Variants in CUL7 observed in about 807,000 individuals in gnomAD.
The protein encoded by CUL7 is cullin-7.
Under a neutral mutation model 177.7 loss-of-function variants are expected in CUL7, and 96 were observed. The observed-to-expected ratio is 0.54, with a 90% confidence interval of 0.46 to 0.64. The LOEUF is 0.64. Among genes scored for constraint, CUL7 ranks in the 30% least tolerant of loss-of-function variants. The pLI is 0.00. For missense variants in CUL7, 1,893 were observed against 2,187.9 expected (o/e 0.87, Z 2.69); for synonymous variants, 824 against 890.2 (o/e 0.93, Z 1.32).
chr6:43,045,886 G>T lies in CUL7; in HGVS notation c.2766+100C>A. The T allele has an allele frequency of 8.9e-7, 1 of 1,127,388 alleles. No individual in the cohort carries two copies. Among genetic ancestry groups the T allele is most frequent in the Non-Finnish European group, 1.3e-6 (1 of 755,552 alleles). 69.8% of individuals were successfully genotyped at this position (1,127,388 alleles called of 1,614,324 possible). On this transcript the variant is annotated intron_variant, in intron 13 of 25. Transcript: ENST00000265348. This position sits in a 1 kb window ranked among gnomAD's most constrained non-coding sequence, Gnocchi z 4.8. ...GGACACTACTTTCTGTGGGGCTCAA[G>T]ACAGGTGGGAGTTAGAAAAAAGTAG...
Position 43,040,514 on chromosome 6 carries a change from C to T in CUL7, c.4023+16G>A. 6.2e-7 allele frequency: 1 copy of T among 1,613,818 alleles called. No homozygotes were observed. Among genetic ancestry groups the T allele is most frequent in the Non-Finnish European group, 8.5e-7 (1 of 1,180,016 alleles). ...CCCCTACCCTCTTATTTGCTTATCC[C>T]TTCCAAGGCACTCACCTGTATTTTC... On this transcript the variant is annotated intron_variant, in intron 21 of 25. Transcript: ENST00000265348. The surrounding 1 kb of genome is among the most constrained non-coding windows in gnomAD (Gnocchi z 4.2).
rs745548927 is a variant in CUL7 at position 43,043,529 on chromosome 6, G to A, written c.3274C>T (p.Arg1092Trp). The part of the protein sequence containing the change: ...PQSRGPAFFS[R>W]VRRLTHLLVH... ...AGCAGGTGAGTGAGACGGCGCACCCGCGAGAAGAAAGCTGGGCCGCGGCTC... is the reference window on the plus strand; with the variant it reads ...AGCAGGTGAGTGAGACGGCGCACCCACGAGAAGAAAGCTGGGCCGCGGCTC... The change falls in exon 17 of 26, where the codon CGG (arginine) becomes TGG (tryptophan). Residue 1092 changes from arginine (R) to tryptophan (W), a missense_variant. Physicochemically the swap from Arg to Trp is moderately radical, Grantham distance 101. Around this residue, in one of 5 missense-constraint regions of CUL7, gnomAD observed 973 missense variants for 1,140.9 expected, o/e 0.85. Coordinates refer to ENST00000265348, the MANE Select transcript of CUL7 (RefSeq NM_014780.5). The surrounding 1 kb of genome is among the most constrained non-coding windows in gnomAD (Gnocchi z 4.2). 2.6e-5 allele frequency: 42 copies of A among 1,613,966 alleles called. No homozygotes were observed. The highest frequency in any genetic ancestry group is 8.8e-5 in the South Asian group (8 of 91,080).
In CUL7 at chr6:43,040,751, A is replaced by G; in HGVS notation, c.3807-5T>C. The stretch of plus-strand genomic sequence containing the variant: ...AGACGGTCCGCCATGTAGTGCCTGC[A>G]GTGCATGCAGCCCGGGCCAAGCCTC... On this transcript the variant is annotated splice_polypyrimidine_tract_variant and splice_region_variant and intron_variant, in intron 20 of 25. Coordinates refer to ENST00000265348, the MANE Select transcript of CUL7 (RefSeq NM_014780.5). This position sits in a 1 kb window ranked among gnomAD's most constrained non-coding sequence, Gnocchi z 4.2. 1 of 1,614,040 alleles carries G rather than the reference A, an allele frequency of 6.2e-7. No individual in the cohort carries two copies. Among genetic ancestry groups the G allele is most frequent in the Middle Eastern group, 1.6e-4 (1 of 6,062 alleles).
intron 7 of CUL7, among the ~76,000 whole-genome samples, chr6:43,049,094 G>A (rs1764186235): frequency 6.6e-6 from 1 of 152,204 alleles, no homozygotes; most frequent in Non-Finnish European, 1.5e-5. Context: ...AAATAGCAAA[G>A]TAGCTTCATC....
intron 23 of CUL7, 72 bp downstream of exon 23, chr6:43,038,770 A>G: frequency 6.2e-7 from 1 of 1,612,740 alleles, no homozygotes; most frequent in Non-Finnish European, 8.5e-7. Flanking sequence ...AAGCAGAGGG[A>G]GTCAAGGTTT....
Position 43,043,508 on chromosome 6 carries a change from GGTGA to G in CUL7, c.3291_3294del (p.His1098CysfsTer42). On this transcript the variant is annotated frameshift_variant, in exon 17 of 26. Transcript: ENST00000265348. LOFTEE classifies it high-confidence loss of function. This position sits in a 1 kb window ranked among gnomAD's most constrained non-coding sequence, Gnocchi z 4.2. ...TCACAGGGCTCGACATGCACCAGCA[GGTGA>G]GTGAGACGGCGCACCCGCGAGAAGA... 2 of 1,614,132 alleles carry G rather than the reference GGTGA, an allele frequency of 1.2e-6. No homozygotes were observed. The highest frequency in any genetic ancestry group is 1.7e-6 in the Non-Finnish European group (2 of 1,179,996).
intron 6 of CUL7, 91 bp from the exon 7 acceptor site, chr6:43,049,753 A>G: frequency 6.5e-7 from 1 of 1,528,572 alleles, no homozygotes; most frequent in Non-Finnish European, 9.0e-7. Context: ...CTCTCTGCAC[A>G]CATACCCTCC....
rs1453622493 is a variant in CUL7 at position 43,043,265 on chromosome 6, C to G, written c.3356-85G>C. ...CCCATCCAAGGGGGTTCCCTGAGGC[C>G]TTTCCTGACATGCTGCCACCCAAAA... On this transcript the variant is annotated intron_variant, in intron 17 of 25. Transcript: ENST00000265348. The surrounding 1 kb of genome is among the most constrained non-coding windows in gnomAD (Gnocchi z 4.2). 1 of 1,284,472 alleles carries G rather than the reference C, an allele frequency of 7.8e-7. No individual in the cohort carries two copies. Among genetic ancestry groups the G allele is most frequent in the Non-Finnish European group, 1.1e-6 (1 of 896,414 alleles). The allele number at this position is 1,284,472 out of a possible 1,614,324, so 79.6% of individuals were successfully genotyped here. A position where few individuals can be genotyped will look rare whatever the true frequency, so the allele number is the denominator to read the frequency against.
In CUL7 at chr6:43,043,454, G is replaced by C. The variant is rs375832364; in HGVS notation, c.3349C>G (p.Arg1117Gly). 2 of 1,613,918 alleles carry C rather than the reference G, an allele frequency of 1.2e-6. No individual in the cohort carries two copies. The highest frequency in any genetic ancestry group is 1.7e-6 in the Non-Finnish European group (2 of 1,179,878). ...EAPPPVVATP[R>G]PKGRNRSHDW... ...CTGAATCTCCACTACTCACTGGGCCGAGGAGTGGCCACCACAGGAGGGGGT... is the reference window on the plus strand; with the variant it reads ...CTGAATCTCCACTACTCACTGGGCCCAGGAGTGGCCACCACAGGAGGGGGT... The change falls in exon 17 of 26, where the codon CGG becomes GGG. Residue 1117 changes from arginine to glycine, a missense_variant. Arg to Gly is a moderately radical substitution (Grantham distance 125, BLOSUM62 -2). Coordinates refer to ENST00000265348, the MANE Select transcript of CUL7 (RefSeq NM_014780.5). This position sits in a 1 kb window ranked among gnomAD's most constrained non-coding sequence, Gnocchi z 4.2.
chr6:43,051,002 A>T lies in CUL7; in HGVS notation c.1199T>A (p.Phe400Tyr). Residue 400 changes from phenylalanine (F) to tyrosine (Y), a missense_variant, in exon 4 of 26, where the codon TTT (phenylalanine) becomes TAT (tyrosine). By Grantham distance (22) the Phe-to-Tyr change is conservative. This residue lies in a region of CUL7 where 653 missense variants were observed against 725.2 expected (regional missense o/e 0.90). Coordinates refer to ENST00000265348, the MANE Select transcript of CUL7 (RefSeq NM_014780.5). The surrounding 1 kb of genome is among the most constrained non-coding windows in gnomAD (Gnocchi z 5.0). ...AGGCACACCGTTGTTGCTCTGCCGA[A>T]ACTCGCCCTCATCCCCGGCACTGAT... ...EEISAGDEGEFRQSNNGVPPV... is the reference protein window; with the variant it reads ...EEISAGDEGEYRQSNNGVPPV... The T allele has an allele frequency of 6.2e-7, 1 of 1,614,118 alleles. No homozygotes were observed. The highest frequency in any genetic ancestry group is 2.2e-5 in the East Asian group (1 of 44,882).
rs755666161 is a variant in CUL7, at chr6:43,040,217, T to C, written c.4233A>G (p.Arg1411=). Residue 1411 remains arginine, a synonymous_variant, in exon 22 of 26, where the codon AGA becomes AGG. Transcript: ENST00000265348. This position sits in a 1 kb window ranked among gnomAD's most constrained non-coding sequence, Gnocchi z 4.2. ...CCCTCAGGTAGGAGGGCAGGCAGGT[T>C]CTGGGGTTCAGTGTGTGGCAGATTG... ...VASICHTLNP[R]TCLPSYLRGT... 1 of 1,614,088 alleles carries C rather than the reference T, an allele frequency of 6.2e-7. No individual in the cohort carries two copies. The highest frequency in any genetic ancestry group is 1.3e-5 in the African/African-American group (1 of 74,930).
chr6:43,044,612 G>A (rs1462826329), intron 16 of CUL7, 140 bp downstream of exon 16: 7 of 1,209,408 alleles, frequency 5.8e-6, no homozygotes, highest in Non-Finnish European at 4.5e-6. Context: ...TGGGCTGTGA[G>A]AAGACAGCAC....
At position 43,051,265 on chromosome 6, in the gene CUL7, G is replaced by A. The variant is rs1269723703; in HGVS notation, c.936C>T (p.Arg312=). The A allele has an allele frequency of 6.2e-7, 1 of 1,612,664 alleles. No homozygotes were observed. The highest frequency in any genetic ancestry group is 1.3e-5 in the African/African-American group (1 of 74,934). The change falls in exon 4 of 26, where the codon CGC becomes CGT. Residue 312 remains arginine, a synonymous_variant. Transcript: ENST00000265348. This position sits in a 1 kb window ranked among gnomAD's most constrained non-coding sequence, Gnocchi z 5.0. ...TTGGTCTGTCTGAGGCCTGGTCCCA[G>A]CGCATGGCTTGCACCAGCTCCGAGA... is the stretch of plus-strand genomic sequence containing the variant. ...TLISELVQAM[R]WDQASDRPRS...
chr6:43,045,020 G>C lies in CUL7; in HGVS notation c.3039-135C>G, dbSNP rs1395393562. 1.4e-6 allele frequency: 2 copies of C among 1,400,258 alleles called. No homozygotes were observed. Among genetic ancestry groups the C allele is most frequent in the African/African-American group, 2.8e-5 (2 of 70,388 alleles). 86.7% of individuals were successfully genotyped at this position (1,400,258 alleles called of 1,614,324 possible). A position where few individuals can be genotyped will look rare whatever the true frequency, so the allele number is the denominator to read the frequency against. The stretch of plus-strand genomic sequence containing the variant: ...CCCTGGTACTTCAGAACTGCTCTGT[G>C]CTAACTGGTATATCCCATTCCCAGC... On this transcript the variant is annotated intron_variant, in intron 15 of 25. Transcript: ENST00000265348. This position sits in a 1 kb window ranked among gnomAD's most constrained non-coding sequence, Gnocchi z 4.8.
rs766833612 is a variant in CUL7, at chr6:43,051,466, G to C, written c.735C>G (p.Val245=). Residue 245 remains valine, a splice_region_variant and synonymous_variant, in exon 4 of 26, where the codon GTC becomes GTG. Coordinates refer to ENST00000265348, the MANE Select transcript of CUL7 (RefSeq NM_014780.5). The surrounding 1 kb of genome is among the most constrained non-coding windows in gnomAD (Gnocchi z 5.0). ...CCAGGGAGAAGAGCACCCTTCCTGGGACCTGTGGGATACAACCTTTGGCCT... is the reference window on the plus strand; with the variant it reads ...CCAGGGAGAAGAGCACCCTTCCTGGCACCTGTGGGATACAACCTTTGGCCT... ...MSFEGIQLPQ[V]PGRVLFSLVK... is the part of the protein sequence containing the mutation. The C allele has an allele frequency of 6.2e-7, 1 of 1,613,942 alleles. No homozygotes were observed. Among genetic ancestry groups the C allele is most frequent in the Non-Finnish European group, 8.5e-7 (1 of 1,180,020 alleles).
At chr6:43,041,451 C>T (rs984040863) in intron 19 of CUL7, among the ~76,000 whole-genome samples, 3 of 151,506 alleles carry the variant, frequency 2.0e-5, no homozygotes, top group Admixed American at 6.6e-5. Context: ...ACTAAAAATA[C>T]GAAAAAATTA....
intron 23 of CUL7, 56 bp downstream of exon 23, chr6:43,038,786 A>G (rs112028687): frequency 2.3e-4 from 376 of 1,613,998 alleles, no homozygotes; most frequent in Non-Finnish European, 3.0e-4. Flanking sequence ...GGTTTTGGGA[A>G]GAGAGGCAAG....
At chr6:43,046,635 G>C (rs986028047) in intron 10 of CUL7, 34 bp from the exon 11 acceptor site, 1 of 1,613,608 alleles carries the variant, frequency 6.2e-7, no homozygotes, top group Non-Finnish European at 8.5e-7. Context: ...AGGGGCACAG[G>C]GGCAGAAGGA....
Position 43,048,186 on chromosome 6 carries a change from A to C in CUL7, c.2131T>G (p.Cys711Gly), listed in dbSNP as rs1343264558. ...TTTGGGGACCGCAGGCAGGCCATGC[A>C]GGCATCCACGGCCTCGTGCCAGGGG... is the stretch of plus-strand genomic sequence containing the variant. ...LLPWHEAVDA[C>G]MACLRSPNTD... The change falls in exon 9 of 26, where the codon TGC becomes GGC. Residue 711 changes from cysteine (C) to glycine (G), a missense_variant. Physicochemically the swap from Cys to Gly is radical, Grantham distance 159. This residue lies in a region of CUL7 where 973 missense variants were observed against 1,140.9 expected (regional missense o/e 0.85). Transcript: ENST00000265348. The C allele has an allele frequency of 1.2e-6, 2 of 1,613,822 alleles. No individual in the cohort carries two copies. The highest frequency in any genetic ancestry group is 4.5e-5 in the East Asian group (2 of 44,882).
Sources: gnomAD v4.1 joint callset for allele counts (sites outside exome capture counted in the v4.1 genomes callset) on GRCh38, gnomAD v4.1.1 for gene constraint, gnomAD v4.1.1 regional missense constraint, Gnocchi (gnomAD v3.1) non-coding constraint, MANE v1.5 for transcripts, NCBI Gene and HGNC (gene_info 2026-07-23, HGNC 2026-07-21) for gene names.